Variants in RIMS2 observed in about 807,000 individuals in gnomAD.
RIMS2 encodes regulating synaptic membrane exocytosis protein 2.
In RIMS2, 59 loss-of-function variants were observed where a neutral mutation model predicts 174.4. That is an observed-to-expected ratio of 0.34 (90% CI 0.27 to 0.42). The LOEUF (loss-of-function observed/expected upper bound fraction) is 0.42, where lower values mean the gene tolerates loss of function less well. Among genes scored for constraint, RIMS2 ranks in the 10% least tolerant of loss-of-function variants. RIMS2 has a pLI of 1.00. For synonymous variants in RIMS2, 606 were observed against 572.5 expected (o/e 1.06, Z -0.84); for missense variants, 1,620 against 1,666.3 (o/e 0.97, Z 0.48).
intron 1 of RIMS2, among the ~76,000 whole-genome samples, chr8:103,611,011 G>C (rs143227084): frequency 1.3e-5 from 2 of 152,090 alleles, no homozygotes; most frequent in African/African-American, 4.8e-5. Context: ...ACTCATTATC[G>C]GCCTGTTCAG....
intron 3 of RIMS2, among the ~76,000 whole-genome samples, chr8:103,785,482 G>T (rs1293851467): frequency 2.6e-5 from 4 of 152,044 alleles, no homozygotes; most frequent in Admixed American, 6.5e-5. Context: ...AGCATGAAGG[G>T]TTGTTGAATT....
chr8:104,229,898 G>T (rs2099214877), intron 19 of RIMS2, among the ~76,000 whole-genome samples: 1 of 152,184 alleles, frequency 6.6e-6, no homozygotes, highest in Non-Finnish European at 1.5e-5. Flanking sequence ...GAAGGGAAGT[G>T]GTTATTGTGA....
chr8:103,985,930 C>T (rs2094326885), intron 16 of RIMS2, among the ~76,000 whole-genome samples: 1 of 152,008 alleles, frequency 6.6e-6, no homozygotes, highest in South Asian at 2.1e-4. Flanking sequence ...GTTTCTGAAG[C>T]AGAGAAAAGA....
intron 19 of RIMS2, among the ~76,000 whole-genome samples, chr8:104,047,817 AC>A (rs2096720074): frequency 6.6e-6 from 1 of 152,086 alleles, no homozygotes; most frequent in Admixed American, 6.6e-5. Context: ...AGCTTATTGC[AC>A]CTGTACTCTT....
At chr8:103,904,049 A>G (rs1157366677) in intron 4 of RIMS2, among the ~76,000 whole-genome samples, 4 of 152,086 alleles carry the variant, frequency 2.6e-5, no homozygotes, top group Non-Finnish European at 5.9e-5. Context: ...AAGAACTACT[A>G]TATTACCACA....
chr8:103,886,157 G>A (rs1191272465), exon 4 of RIMS2: 1 of 1,612,708 alleles, frequency 6.2e-7, no homozygotes, highest in Non-Finnish European at 8.5e-7. Flanking sequence ...GGAGGAATTG[G>A]CTTCCACGCC....
chr8:103,656,372 A>G (rs927133193), intron 1 of RIMS2, among the ~76,000 whole-genome samples: 1 of 152,150 alleles, frequency 6.6e-6, no homozygotes, highest in Non-Finnish European at 1.5e-5. Flanking sequence ...AGTGGTTAGT[A>G]TGGCACATAA....
intron 3 of RIMS2, among the ~76,000 whole-genome samples, chr8:103,789,871 G>A (rs374018016): frequency 1.1e-4 from 17 of 149,338 alleles, no homozygotes; most frequent in African/African-American, 4.0e-4. Flanking sequence ...TTCCTCCTCA[G>A]CGTCCCAAAT....
intron 2 of RIMS2, among the ~76,000 whole-genome samples, chr8:103,741,891 A>G (rs1460056411): frequency 1.3e-5 from 2 of 152,126 alleles, no homozygotes; most frequent in African/African-American, 2.4e-5. Context: ...AGAAAGTCTC[A>G]CTTTACTTTG....
intron 3 of RIMS2, among the ~76,000 whole-genome samples, chr8:103,832,409 G>T (rs2098831312): frequency 6.6e-6 from 1 of 152,074 alleles, no homozygotes; most frequent in Non-Finnish European, 1.5e-5. Flanking sequence ...AAGTTCAGGG[G>T]TGCATGTGCA....
intron 19 of RIMS2, among the ~76,000 whole-genome samples, chr8:104,186,725 G>A (rs192690725): frequency 1.3e-5 from 2 of 151,764 alleles, no homozygotes; most frequent in African/African-American, 4.8e-5. Context: ...ATAGATTGCT[G>A]GGTTCCAGTC....
intron 3 of RIMS2, among the ~76,000 whole-genome samples, chr8:103,784,681 A>G (rs1329484538): frequency 9.4e-5 from 5 of 53,390 alleles, no homozygotes; most frequent in African/African-American, 3.8e-4. Context: ...GCCTTGTAGT[A>G]TAGTTTGAAG....
At chr8:103,503,158 C>T (rs924737749) in intron 1 of RIMS2, among the ~76,000 whole-genome samples, 2 of 151,796 alleles carry the variant, frequency 1.3e-5, no homozygotes, top group South Asian at 4.1e-4. Flanking sequence ...TGCATTGCTA[C>T]CTAACTTAGT....
At chr8:103,821,035 C>CT (rs1014853805) in intron 3 of RIMS2, among the ~76,000 whole-genome samples, 15 of 148,374 alleles carry the variant, frequency 1.0e-4, no homozygotes, top group Non-Finnish European at 1.2e-4. Context: ...TTAGTTCCAT[C>CT]TTTTTTTTTA....
chr8:103,680,181 CA>C (rs1369185418), intron 1 of RIMS2, among the ~76,000 whole-genome samples: 1 of 151,776 alleles, frequency 6.6e-6, no homozygotes, highest in African/African-American at 2.4e-5. Context: ...TAAAGGCAGA[CA>C]AAAACACCAT....
chr8:103,932,461 G>A (rs1446251974), intron 12 of RIMS2, among the ~76,000 whole-genome samples: 2 of 152,166 alleles, frequency 1.3e-5, no homozygotes, highest in Non-Finnish European at 2.9e-5. Flanking sequence ...AACATCAAAA[G>A]TTATTAGAAA....
chr8:103,957,652 A>G (rs2087906361), intron 14 of RIMS2, among the ~76,000 whole-genome samples: 1 of 152,168 alleles, frequency 6.6e-6, no homozygotes, highest in African/African-American at 2.4e-5. Flanking sequence ...GAAATACCTT[A>G]TGTAGTTGAT....
intron 14 of RIMS2, 109 bp from the exon 17 acceptor site, chr8:103,960,956 G>C (rs2089824956): frequency 1.4e-6 from 1 of 715,652 alleles, no homozygotes; most frequent in African/African-American, 1.8e-5. Flanking sequence ...CATATTTTTT[G>C]TTATTAACTG....
At chr8:104,225,671 A>G (rs2099183126) in intron 19 of RIMS2, among the ~76,000 whole-genome samples, 1 of 151,880 alleles carries the variant, frequency 6.6e-6, no homozygotes, top group African/African-American at 2.4e-5. Context: ...TGGCTCACAC[A>G]GACTAATCCC....
Sources: allele counts gnomAD v4.1 joint callset (sites outside exome capture counted in the v4.1 genomes callset), GRCh38; gene constraint gnomAD v4.1.1; transcripts MANE v1.5; gene names NCBI Gene and HGNC (gene_info 2026-07-23, HGNC 2026-07-21).